Variants in PXDNL observed in about 807,000 individuals in gnomAD.
The protein encoded by PXDNL is probable oxidoreductase PXDNL.
In PXDNL, 145 loss-of-function variants were observed where a neutral mutation model predicts 150.8. That is an observed-to-expected ratio of 0.96 (90% confidence interval 0.84 to 1.10). PXDNL has a LOEUF of 1.10. Among genes scored for constraint, PXDNL ranks in the 50% least tolerant of loss-of-function variants. PXDNL has a pLI of 0.00. For synonymous variants in PXDNL, 757 were observed against 725.7 expected, an observed-to-expected ratio of 1.04 and a Z score of -0.69; for missense variants, 2,087 against 1,873.9, an observed-to-expected ratio of 1.11 and a Z score of -2.10.
chr8:51,795,141 A>C (rs1335082397), intron 1 of PXDNL, among the ~76,000 whole-genome samples: 2 of 152,190 alleles, frequency 1.3e-5, no homozygotes, highest in African/African-American at 4.8e-5. Flanking sequence ...CCAGATTCAT[A>C]AAAAAAGCTC....
chr8:51,718,602 A>G (rs893911837), intron 1 of PXDNL, among the ~76,000 whole-genome samples: 1 of 152,188 alleles, frequency 6.6e-6, no homozygotes, highest in African/African-American at 2.4e-5. Context: ...ATTGCTTACT[A>G]GTCACATTTG....
At chr8:51,566,233 T>G (rs756037590) in intron 3 of PXDNL, among the ~76,000 whole-genome samples, 1 of 151,860 alleles carries the variant, frequency 6.6e-6, no homozygotes, top group Non-Finnish European at 1.5e-5. Context: ...TGAGAGATAT[T>G]GGTCTGTGGT....
intron 12 of PXDNL, among the ~76,000 whole-genome samples, chr8:51,444,518 TA>T (rs1263014507): frequency 6.6e-6 from 1 of 152,050 alleles, no homozygotes; most frequent in African/African-American, 2.4e-5. Context: ...TTCTTCATAG[TA>T]AAAAAATCAC....
intron 1 of PXDNL, among the ~76,000 whole-genome samples, chr8:51,699,045 G>A (rs1017411620): frequency 6.6e-6 from 1 of 152,170 alleles, no homozygotes; most frequent in African/African-American, 2.4e-5. Context: ...AGCACAGGCA[G>A]AGTACATTTA....
In PXDNL at chr8:51,809,425, G is replaced by A; in HGVS notation, c.-81C>T. The A allele has an allele frequency of 7.3e-7, 1 of 1,375,232 alleles. No individual in the cohort carries two copies. The allele number at this position is 1,375,232 out of a possible 1,614,324, so 85.2% of individuals were successfully genotyped here. A position where few individuals can be genotyped will look rare whatever the true frequency, so the allele number is the denominator to read the frequency against. On this transcript the variant is annotated 5_prime_UTR_variant, in exon 1 of 23. Transcript: ENST00000356297. ...CAGCTGCAGCAGCAACCGCAGTGGT[G>A]GTGATGGTGGCTGCTGGACTGAGCC...
At chr8:51,541,119 G>A (rs184850288) in intron 4 of PXDNL, among the ~76,000 whole-genome samples, 2,834 of 151,896 alleles carry the variant, frequency 0.019, 40 homozygotes, top group African/African-American at 0.035. Flanking sequence ...TTAGCTGGGC[G>A]TGGTGGCATG....
chr8:51,696,138 A>G (rs1182847334), intron 1 of PXDNL, among the ~76,000 whole-genome samples: 2 of 152,322 alleles, frequency 1.3e-5, no homozygotes, highest in Admixed American at 6.5e-5. Context: ...GTTTCATCTT[A>G]GGCAACAAAG....
intron 1 of PXDNL, among the ~76,000 whole-genome samples, chr8:51,774,585 G>A (rs1192810033): frequency 6.6e-6 from 1 of 152,182 alleles, no homozygotes; most frequent in Non-Finnish European, 1.5e-5. Flanking sequence ...TTGGGAGGCT[G>A]AGGCGGGTGG....
rs149627511 is a variant in PXDNL at position 51,319,656 on chromosome 8, T to G, written c.*235A>C. 3 of 279,506 alleles carry G rather than the reference T, an allele frequency of 1.1e-5. No individual in the cohort carries two copies. The highest frequency in any genetic ancestry group is 6.6e-5 in the African/African-American group (3 of 45,708). The allele number at this position is 279,506 out of a possible 1,614,324, so 17.3% of individuals were successfully genotyped here. Reference sequence around the variant, plus strand: ...CTGACAGCTTACAGTAAGAAATATTTCTTATGATCAAACACTTCATATGCA... The same window carrying G: ...CTGACAGCTTACAGTAAGAAATATTGCTTATGATCAAACACTTCATATGCA... On this transcript the variant is annotated 3_prime_UTR_variant, in exon 23 of 23. Coordinates refer to ENST00000356297, the MANE Select transcript of PXDNL (RefSeq NM_144651.5).
chr8:51,656,145 C>T (rs1054257638), intron 1 of PXDNL, among the ~76,000 whole-genome samples: 4 of 151,846 alleles, frequency 2.6e-5, no homozygotes, highest in African/African-American at 9.7e-5. Flanking sequence ...ATTTACTTCC[C>T]CTCAATTAAT....
At chr8:51,448,562 G>A (rs192408685) in intron 11 of PXDNL, among the ~76,000 whole-genome samples, 12 of 152,156 alleles carry the variant, frequency 7.9e-5, no homozygotes, top group Middle Eastern at 3.4e-3. Context: ...AAAAGTAGCC[G>A]GGCGTGGTGG....
chr8:51,509,769 C>T (rs1278281744), intron 4 of PXDNL, among the ~76,000 whole-genome samples: 2 of 135,760 alleles, frequency 1.5e-5, no homozygotes, highest in African/African-American at 2.9e-5. Flanking sequence ...CACACACACA[C>T]ACACAAATAT....
chr8:51,688,893 A>G (rs1043945212), intron 1 of PXDNL, among the ~76,000 whole-genome samples: 18 of 152,240 alleles, frequency 1.2e-4, no homozygotes, highest in African/African-American at 4.1e-4. Context: ...CACCATCTTT[A>G]TCCTTGAGCA....
At chr8:51,793,864 C>T (rs1418939237) in intron 1 of PXDNL, among the ~76,000 whole-genome samples, 1 of 151,894 alleles carries the variant, frequency 6.6e-6, no homozygotes, top group Admixed American at 6.6e-5. Flanking sequence ...CTGCACTACC[C>T]TGGGCAACAG....
chr8:51,616,230 T>C (rs16916610), intron 2 of PXDNL, among the ~76,000 whole-genome samples: 83,282 of 151,954 alleles, frequency 0.55, 24,469 homozygotes, highest in Non-Finnish European at 0.66. Context: ...ATCTTACATT[T>C]GAAAAATCTG....
At chr8:51,678,974 A>G (rs1563504357) in intron 1 of PXDNL, among the ~76,000 whole-genome samples, 1 of 152,220 alleles carries the variant, frequency 6.6e-6, no homozygotes, top group African/African-American at 2.4e-5. Context: ...CGTTGTTCTA[A>G]GTTCTGGAGA....
At chr8:51,769,342 T>C (rs1174676796) in intron 1 of PXDNL, among the ~76,000 whole-genome samples, 3 of 152,232 alleles carry the variant, frequency 2.0e-5, no homozygotes, top group South Asian at 4.1e-4. Flanking sequence ...TACTCCAAAA[T>C]GCTGCTCAAA....
chr8:51,577,979 GAAAGAAAGAAAGAAAGAAAGAGGAAGGA>G (rs1563471065), intron 3 of PXDNL, among the ~76,000 whole-genome samples: 178 of 88,958 alleles, frequency 2.0e-3, no homozygotes, highest in Non-Finnish European at 2.9e-3. Context: ...AAGAAAGAAA[GAAAGAAAGAAAGAAAGAAAGAGGAAGGA>G]AGGAAGGAAG....
At chr8:51,458,123 A>C (rs1014942947) in intron 8 of PXDNL, among the ~76,000 whole-genome samples, 1 of 152,234 alleles carries the variant, frequency 6.6e-6, no homozygotes, top group Admixed American at 6.5e-5. Flanking sequence ...TCAAACCAGC[A>C]CGGGCTCAAA....
Sources: gnomAD v4.1 joint callset for allele counts (sites outside exome capture counted in the v4.1 genomes callset) on GRCh38, gnomAD v4.1.1 for gene constraint, MANE v1.5 for transcripts, NCBI Gene and HGNC (gene_info 2026-07-23, HGNC 2026-07-21) for gene names.